C6orf132: variants seen among roughly 807,000 people sequenced by gnomAD.
C6orf132 encodes the protein uncharacterized protein C6orf132.
A neutral mutation model predicts 65.3 loss-of-function variants in C6orf132; 43 were observed. That is an observed-to-expected ratio of 0.66 (90% CI 0.52 to 0.85). The LOEUF (loss-of-function observed/expected upper bound fraction) is 0.85, where lower values mean the gene tolerates loss of function less well. Among genes scored for constraint, C6orf132 ranks in the 40% least tolerant of loss-of-function variants. The pLI, the probability that C6orf132 is intolerant of heterozygous loss-of-function variation, is 0.00. For missense variants in C6orf132, 1,488 were observed against 1,548.8 expected (o/e 0.96, Z 0.66); for synonymous variants, 631 against 654.1 (o/e 0.96, Z 0.54).
intron 2 of C6orf132, among the ~76,000 whole-genome samples, chr6:42,115,724 TAAAC>T (rs917158757): frequency 1.3e-5 from 2 of 152,040 alleles, no homozygotes; most frequent in Non-Finnish European, 2.9e-5. Context: ...ATAAAAAAGT[TAAAC>T]AAAACAGAAG....
chr6:42,132,871 A>G (rs1766875834), intron 1 of C6orf132, among the ~76,000 whole-genome samples: 1 of 150,474 alleles, frequency 6.6e-6, no homozygotes, highest in African/African-American at 2.4e-5. Context: ...AAAAAAAAGA[A>G]AAGAAAAGAA....
intron 2 of C6orf132, among the ~76,000 whole-genome samples, chr6:42,116,033 G>A (rs1361365709): frequency 2.0e-5 from 3 of 148,732 alleles, no homozygotes; most frequent in Non-Finnish European, 4.4e-5. Context: ...GGGTTCCAGC[G>A]ATTCTCCTGA....
At chr6:42,137,332 G>T (rs1322557885) in intron 1 of C6orf132, among the ~76,000 whole-genome samples, 3 of 152,202 alleles carry the variant, frequency 2.0e-5, no homozygotes, top group Admixed American at 1.3e-4. Flanking sequence ...TGGGGCGGCG[G>T]AGGGTGTATA....
intron 1 of C6orf132, among the ~76,000 whole-genome samples, chr6:42,138,051 C>G (rs1444403045): frequency 6.6e-6 from 1 of 152,164 alleles, no homozygotes; most frequent in Non-Finnish European, 1.5e-5. Flanking sequence ...GATCGAGACT[C>G]CGTCTCAAAA....
At chr6:42,119,059 G>A (rs1412746710) in intron 2 of C6orf132, among the ~76,000 whole-genome samples, 4 of 86,070 alleles carry the variant, frequency 4.6e-5, no homozygotes, top group African/African-American at 2.1e-4. Flanking sequence ...GTGAAACCCT[G>A]TCTCTACAAA....
chr6:42,131,042 C>T (rs148860865), intron 1 of C6orf132, among the ~76,000 whole-genome samples: 2,785 of 152,198 alleles, frequency 0.018, 94 homozygotes, highest in African/African-American at 0.061. Context: ...TGCACCACCA[C>T]GCCCAGCTAA....
rs1013017066 is a variant in C6orf132, at chr6:42,106,496, G to C, written c.1416C>G (p.Asn472Lys). The stretch of plus-strand genomic sequence containing the variant: ...AGCCACAGAGATAGGCTGCCAGCTC[G>C]TTCCGCAGCTTTTCCATCTGGCTGG... ...RDPSQMEKLRNELAAYLCGSR... is the reference protein window; with the variant it reads ...RDPSQMEKLRKELAAYLCGSR... Residue 472 changes from asparagine to lysine, a missense_variant, in exon 4 of 5, where the codon AAC becomes AAG. By Grantham distance (94) the Asn-to-Lys change is moderately conservative. Transcript: ENST00000341865. 3.3e-6 allele frequency: 5 copies of C among 1,536,274 alleles called. No homozygotes were observed. Among genetic ancestry groups the C allele is most frequent in the African/African-American group, 1.4e-5 (1 of 72,934 alleles).
chr6:42,104,615 G>C lies in C6orf132; in HGVS notation c.3297C>G (p.Pro1099=), dbSNP rs1219055261. 2 of 1,365,026 alleles carry C rather than the reference G, an allele frequency of 1.5e-6. No individual in the cohort carries two copies. The highest frequency in any genetic ancestry group is 1.9e-6 in the Non-Finnish European group (2 of 1,064,516). 84.6% of individuals were successfully genotyped at this position (1,365,026 alleles called of 1,614,324 possible). ...CCGCCGAGTTCACGCGCCGCATCTC[G>C]GGGCCTCCGGGCTGCGGCCCGAAGC... ...PNCFGPQPGG[P]EMRRVNSAGR... Residue 1099 remains proline, a synonymous_variant, in exon 4 of 5, where the codon CCC becomes CCG. Coordinates refer to ENST00000341865, the MANE Select transcript of C6orf132 (RefSeq NM_001164446.3). The surrounding 1 kb of genome is among the most constrained non-coding windows in gnomAD (Gnocchi z 4.1).
At chr6:42,136,865 G>A (rs1287716542) in intron 1 of C6orf132, among the ~76,000 whole-genome samples, 1 of 152,012 alleles carries the variant, frequency 6.6e-6, no homozygotes, top group Non-Finnish European at 1.5e-5. Context: ...GGACGGAACA[G>A]AAACGGAACA....
chr6:42,105,257 G>A lies in C6orf132; in HGVS notation c.2655C>T (p.Ser885=). 4 of 1,537,194 alleles carry A rather than the reference G, an allele frequency of 2.6e-6. No homozygotes were observed. Among genetic ancestry groups the A allele is most frequent in the Non-Finnish European group, 3.5e-6 (4 of 1,146,900 alleles). Reference sequence around the variant, plus strand: ...CAGTGAAGGAGTTGGGCGTGCCCTGGCTGTGGAAGATGCTGTCAGAGCTGG... The same window carrying A: ...CAGTGAAGGAGTTGGGCGTGCCCTGACTGTGGAAGATGCTGTCAGAGCTGG... ...AEASSDSIFH[S]QGTPNSFTVV... is the part of the protein sequence containing the mutation. The change falls in exon 4 of 5, where the codon AGC becomes AGT. Residue 885 remains serine, a synonymous_variant. Transcript: ENST00000341865.
chr6:42,106,438 G>A lies in C6orf132; in HGVS notation c.1474C>T (p.Pro492Ser). The change falls in exon 4 of 5, where the codon CCA becomes TCA. Residue 492 changes from proline (P) to serine (S), a missense_variant. By Grantham distance (74) the Pro-to-Ser change is moderately conservative. Transcript: ENST00000341865. The stretch of plus-strand genomic sequence containing the variant: ...CTCTGAGGGGCCACTGTTGGGCCTG[G>A]CCTGTGACTGAGGAATCGGTCCTCT... ...RREDRFLSHR[P>S]GPTVAPQSKE... 6.5e-7 allele frequency: 1 copy of A among 1,536,268 alleles called. No individual in the cohort carries two copies. Among genetic ancestry groups the A allele is most frequent in the South Asian group, 1.2e-5 (1 of 84,042 alleles).
chr6:42,106,561 CTG>C lies in C6orf132; in HGVS notation c.1349_1350del (p.Pro450ArgfsTer61). ...ACAGGTGCTGAAGACGCTGTGTTCT[CTG>C]GGCTGGGGGGGTTGGGTTTGGGTTT... ...ALKPKPNPPSPENTASSAPVD... is the reference protein window; with the variant it reads ...ALKPKPNPPSXENTASSAPVD... On this transcript the variant is annotated frameshift_variant, in exon 4 of 5. Transcript: ENST00000341865. LOFTEE classifies it high-confidence loss of function. The C allele has an allele frequency of 6.5e-7, 1 of 1,531,516 alleles. No individual in the cohort carries two copies. Among genetic ancestry groups the C allele is most frequent in the Non-Finnish European group, 8.7e-7 (1 of 1,143,768 alleles). The allele number at this position is 1,531,516 out of a possible 1,614,324, so 94.9% of individuals were successfully genotyped here. A position where few individuals can be genotyped will look rare whatever the true frequency, so the allele number is the denominator to read the frequency against.
Position 42,123,448 on chromosome 6 carries a change from GAGAAGAAGGAGAAGGAGA to G in C6orf132, c.252+5206_252+5223del, listed in dbSNP as rs770550583. 1.8e-4 allele frequency among the ~76,000 whole-genome samples: 8 copies of G among 43,738 alleles called. No homozygotes were observed. In the South Asian group the frequency reaches 3.8e-3, roughly 21 times the overall value. The allele number at this position is 43,738 out of a possible 152,430, so 28.7% of individuals were successfully genotyped here. ...AAAGGAGAAGGAGAAGGAGAAGAAG[GAGAAGAAGGAGAAGGAGA>G]AGAAGGAGAAGGAGAAGAAGAAGAA... On this transcript the variant is annotated intron_variant, in intron 2 of 4. Transcript: ENST00000341865.
chr6:42,104,942 T>C lies in C6orf132; in HGVS notation c.2970A>G (p.Pro990=). 2 of 1,477,902 alleles carry C rather than the reference T, an allele frequency of 1.4e-6. No individual in the cohort carries two copies. The highest frequency in any genetic ancestry group is 8.9e-7 in the Non-Finnish European group (1 of 1,119,024). 91.5% of individuals were successfully genotyped at this position (1,477,902 alleles called of 1,614,324 possible). The change falls in exon 4 of 5, where the codon CCA becomes CCG. Residue 990 remains proline (P), a synonymous_variant. Transcript: ENST00000341865. The surrounding 1 kb of genome is among the most constrained non-coding windows in gnomAD (Gnocchi z 4.1). ...EFNFEVIPPP[P]EFSNDPEPPA... ...GGGGCTCAGGGTCATTGCTGAACTC[T>C]GGCGGCGGTGGGATGACCTCGAAGT...
intron 1 of C6orf132, among the ~76,000 whole-genome samples, chr6:42,132,448 GAGGTTGC>G (rs1374476327): frequency 6.6e-6 from 1 of 151,964 alleles, no homozygotes. Context: ...CAGGGAGGCG[GAGGTTGC>G]AGTGAGCCAA....
intron 1 of C6orf132, among the ~76,000 whole-genome samples, chr6:42,139,672 T>C (rs925775614): frequency 3.3e-5 from 5 of 152,082 alleles, no homozygotes; most frequent in African/African-American, 9.7e-5. Flanking sequence ...TAAAATATTA[T>C]GAGGGGTTTT....
At chr6:42,116,921 A>G (rs912805195) in intron 2 of C6orf132, among the ~76,000 whole-genome samples, 6 of 152,078 alleles carry the variant, frequency 3.9e-5, no homozygotes, top group Non-Finnish European at 5.9e-5. Flanking sequence ...GTAGCTTGAA[A>G]AGCCCTCTAG....
Position 42,142,450 on chromosome 6 carries a change from C to T in C6orf132, c.-6G>A, listed in dbSNP as rs567454296. On this transcript the variant is annotated 5_prime_UTR_variant, in exon 1 of 5. Coordinates refer to ENST00000341865, the MANE Select transcript of C6orf132 (RefSeq NM_001164446.3). ...ACCGTCTGCTTCTTTTTCATGCTGC[C>T]GCAGCCCGCGCGGGCGCCAGGGAAG... 1.9e-6 allele frequency: 3 copies of T among 1,550,066 alleles called. No homozygotes were observed. The highest frequency in any genetic ancestry group is 2.6e-6 in the Non-Finnish European group (3 of 1,146,362).
At chr6:42,135,879 C>T (rs989236765) in intron 1 of C6orf132, among the ~76,000 whole-genome samples, 16 of 152,208 alleles carry the variant, frequency 1.1e-4, no homozygotes, top group East Asian at 9.6e-4. Flanking sequence ...TCAAAGGGGC[C>T]GGGATTCCAG....
Sources: gnomAD v4.1 joint callset for allele counts (sites outside exome capture counted in the v4.1 genomes callset) on GRCh38, gnomAD v4.1.1 for gene constraint, Gnocchi (gnomAD v3.1) non-coding constraint, MANE v1.5 for transcripts, NCBI Gene and HGNC (gene_info 2026-07-23, HGNC 2026-07-21) for gene names.